Variants in KDM4B observed in about 807,000 individuals in gnomAD.
KDM4B encodes lysine-specific demethylase 4B.
A neutral mutation model predicts 125.2 loss-of-function variants in KDM4B; 32 were observed. The observed-to-expected ratio is 0.26, with a 90% confidence interval of 0.19 to 0.34. The LOEUF (loss-of-function observed/expected upper bound fraction) is 0.34, where lower values mean the gene tolerates loss of function less well. Ranked by LOEUF, KDM4B falls within the 10% of genes least tolerant of loss-of-function variation. The pLI, the probability that KDM4B is intolerant of heterozygous loss-of-function variation, is 1.00. For synonymous variants in KDM4B, 721 were observed against 677.9 expected (o/e 1.06, Z -0.99); for missense variants, 1,190 against 1,577.7 (o/e 0.75, Z 4.16).
chr19:5,139,867 G>A (rs904544390), intron 18 of KDM4B, among the ~76,000 whole-genome samples: 6 of 152,270 alleles, frequency 3.9e-5, no homozygotes, highest in Admixed American at 1.3e-4. Context: ...GCGTAGCGGG[G>A]CCTCATCGTG....
chr19:4,970,999 T>G (rs1440821652), intron 1 of KDM4B, among the ~76,000 whole-genome samples: 3 of 152,106 alleles, frequency 2.0e-5, no homozygotes, highest in Non-Finnish European at 2.9e-5. Flanking sequence ...TAACGGAGAT[T>G]CTGCCGCACA....
chr19:5,133,886 C>G lies in KDM4B; in HGVS notation c.1910C>G (p.Ala637Gly). 1 of 1,612,938 alleles carries G rather than the reference C, an allele frequency of 6.2e-7. No homozygotes were observed. Residue 637 changes from alanine to glycine, a missense_variant, in exon 14 of 23, where the codon GCA becomes GGA. Ala to Gly is a moderately conservative substitution (Grantham distance 60). Around this residue, in one of 7 missense-constraint regions of KDM4B, gnomAD observed 128 missense variants for 137.8 expected, o/e 0.93. Coordinates refer to ENST00000159111, the MANE Select transcript of KDM4B (RefSeq NM_015015.3). ...VKQEASSDEE[A>G]SPFSGEEDVS... ...CCTCTCCCCTCTGTTCTTCTAGAGG[C>G]ATCCCCTTTCTCCGGGGAGGAAGAT...
intron 15 of KDM4B, 84 bp downstream of exon 15, chr19:5,135,645 T>A: frequency 1.7e-6 from 2 of 1,189,742 alleles, no homozygotes; most frequent in Non-Finnish European, 2.3e-6. Flanking sequence ...CATCCTCCCC[T>A]GCGGAGGGCC....
chr19:4,977,701 A>G (rs2034496226), intron 1 of KDM4B, among the ~76,000 whole-genome samples: 2 of 152,154 alleles, frequency 1.3e-5, no homozygotes, highest in African/African-American at 2.4e-5. Context: ...GCCTGAAACT[A>G]CCCACGGGTG....
Position 5,035,374 on chromosome 19 carries a change from G to A in KDM4B, c.141+2343G>A, listed in dbSNP as rs1045598034. On this transcript the variant is annotated intron_variant, in intron 3 of 22. Transcript: ENST00000159111. The surrounding 1 kb of genome is among the most constrained non-coding windows in gnomAD (Gnocchi z 5.3). ...TTGAGGGGAATCAGCATCTCAGACC[G>A]CCCTGCGCTCTTCCGAGGTGCCTTT... 3.9e-5 allele frequency among the ~76,000 whole-genome samples: 6 copies of A among 151,918 alleles called. No homozygotes were observed. Among genetic ancestry groups the A allele is most frequent in the Non-Finnish European group, 8.8e-5 (6 of 67,960 alleles).
At chr19:5,064,910 C>G (rs971257210) in intron 6 of KDM4B, among the ~76,000 whole-genome samples, 1 of 152,242 alleles carries the variant, frequency 6.6e-6, no homozygotes, top group African/African-American at 2.4e-5. Flanking sequence ...GGTTTTCTGC[C>G]TGGTCTGAGA....
chr19:4,993,169 G>A (rs374492936), intron 1 of KDM4B, among the ~76,000 whole-genome samples: 8 of 152,174 alleles, frequency 5.3e-5, no homozygotes, highest in African/African-American at 1.9e-4. Flanking sequence ...CAGCACTTTG[G>A]GAGGCCGAGG....
chr19:5,146,968 A>G (rs1259708620), intron 21 of KDM4B, among the ~76,000 whole-genome samples: 1 of 149,084 alleles, frequency 6.7e-6, no homozygotes, highest in African/African-American at 2.5e-5. Flanking sequence ...AAAAACAAAA[A>G]CTCTGCTGGG....
intron 9 of KDM4B, among the ~76,000 whole-genome samples, chr19:5,106,912 AC>A (rs1298531110): frequency 3.9e-5 from 6 of 152,166 alleles, no homozygotes; most frequent in African/African-American, 1.4e-4. Context: ...GGTGGGCCCA[AC>A]CTGTAGATGA....
At chr19:5,117,452 G>A (rs1824589916) in intron 10 of KDM4B, among the ~76,000 whole-genome samples, 1 of 152,112 alleles carries the variant, frequency 6.6e-6, no homozygotes, top group Non-Finnish European at 1.5e-5. Flanking sequence ...GGTCCACTGT[G>A]GGATCCCGGC....
intron 1 of KDM4B, among the ~76,000 whole-genome samples, chr19:5,015,590 C>T (rs1315844637): frequency 1.3e-5 from 2 of 152,200 alleles, no homozygotes; most frequent in East Asian, 3.9e-4. Flanking sequence ...TGGCTTATGC[C>T]TGTAATCCCA....
At chr19:5,077,309 C>G in intron 7 of KDM4B, 58 bp from the exon 8 acceptor site, 1 of 1,475,534 alleles carries the variant, frequency 6.8e-7, no homozygotes, top group South Asian at 1.2e-5. Context: ...GGGCAGCATC[C>G]TCGCTGACCC....
At chr19:4,984,801 C>T (rs1013950657) in intron 1 of KDM4B, among the ~76,000 whole-genome samples, 1 of 152,124 alleles carries the variant, frequency 6.6e-6, no homozygotes, top group Admixed American at 6.5e-5. Context: ...CCTGCTGTAA[C>T]CCCCACTTCG....
intron 6 of KDM4B, among the ~76,000 whole-genome samples, chr19:5,060,954 A>G (rs2037575156): frequency 6.6e-6 from 1 of 152,252 alleles, no homozygotes; most frequent in Admixed American, 6.5e-5. Flanking sequence ...GATGCCTCCA[A>G]TCTGGCCTTT....
chr19:5,035,431 C>T lies in KDM4B; in HGVS notation c.141+2400C>T, dbSNP rs1233655236. On this transcript the variant is annotated intron_variant, in intron 3 of 22. Transcript: ENST00000159111. This position sits in a 1 kb window ranked among gnomAD's most constrained non-coding sequence, Gnocchi z 5.3. Reference sequence around the variant, plus strand: ...CCGCCCCGTCACTTCTTCCTCATCCCTCACCTCCCACCGGGCTCCATGCCC... The same window carrying T: ...CCGCCCCGTCACTTCTTCCTCATCCTTCACCTCCCACCGGGCTCCATGCCC... Among the ~76,000 whole-genome samples the T allele has an allele frequency of 6.6e-6, 1 of 152,144 alleles. No individual in the cohort carries two copies. The highest frequency in any genetic ancestry group is 1.5e-5 in the Non-Finnish European group (1 of 68,022).
Position 5,151,686 on chromosome 19 carries a change from C to A in KDM4B, c.*175C>A. On this transcript the variant is annotated 3_prime_UTR_variant, in exon 23 of 23. Transcript: ENST00000159111. The stretch of plus-strand genomic sequence containing the variant: ...GCGGGACGCCGCACGCGGCCCCAGA[C>A]TCAGGGAGCAGGGCCAGGCGGGCTC... 2.0e-6 allele frequency: 1 copy of A among 494,390 alleles called. No homozygotes were observed. The highest frequency in any genetic ancestry group is 3.2e-6 in the Non-Finnish European group (1 of 313,270). 30.6% of individuals were successfully genotyped at this position (494,390 alleles called of 1,614,324 possible).
At chr19:5,029,866 C>G (rs926795728) in intron 2 of KDM4B, among the ~76,000 whole-genome samples, 1 of 152,180 alleles carries the variant, frequency 6.6e-6, no homozygotes, top group Non-Finnish European at 1.5e-5. Flanking sequence ...CAAGTTGCCC[C>G]TAGGGGGCGG....
intron 1 of KDM4B, among the ~76,000 whole-genome samples, chr19:5,011,776 G>C (rs977581898): frequency 2.0e-5 from 3 of 152,264 alleles, no homozygotes; most frequent in African/African-American, 7.2e-5. Context: ...TCAGCCCTGG[G>C]GGCTCCGGTG....
intron 6 of KDM4B, among the ~76,000 whole-genome samples, chr19:5,058,847 G>A (rs988041547): frequency 6.6e-6 from 1 of 152,232 alleles, no homozygotes; most frequent in East Asian, 1.9e-4. Context: ...AACAAACCTG[G>A]CGCCCGCTTC....
Sources: allele counts gnomAD v4.1 joint callset (sites outside exome capture counted in the v4.1 genomes callset), GRCh38; gene constraint gnomAD v4.1.1; regional missense constraint gnomAD v4.1.1; non-coding constraint Gnocchi (gnomAD v3.1); transcripts MANE v1.5; gene names NCBI Gene and HGNC (gene_info 2026-07-23, HGNC 2026-07-21).